The following LRP1B variants were observed in gnomAD, a reference collection of about 807,000 sequenced individuals.
LRP1B encodes the protein low-density lipoprotein receptor-related protein 1B.
In LRP1B, 217 loss-of-function variants were observed where a neutral mutation model predicts 556.6. That is an observed-to-expected ratio of 0.39 (90% CI 0.35 to 0.44). The LOEUF (loss-of-function observed/expected upper bound fraction) is 0.44. Ranked by LOEUF, LRP1B falls within the 20% of genes least tolerant of loss-of-function variation. LRP1B has a pLI of 1.00. For synonymous variants in LRP1B, 2,047 were observed against 1,865.8 expected, an observed-to-expected ratio of 1.10 and a Z score of -2.50; for missense variants, 5,053 against 5,620.8, an observed-to-expected ratio of 0.90 and a Z score of 3.23.
At chr2:141,064,511 C>G (rs1699428001) in intron 7 of LRP1B, among the ~76,000 whole-genome samples, 1 of 151,760 alleles carries the variant, frequency 6.6e-6, no homozygotes, top group Admixed American at 6.6e-5. Context: ...TGAAAAAAAG[C>G]ACATGTAAAT....
intron 43 of LRP1B, among the ~76,000 whole-genome samples, chr2:140,570,188 C>T (rs1191492059): frequency 6.7e-6 from 1 of 150,326 alleles, no homozygotes; most frequent in African/African-American, 2.4e-5. Context: ...TAGATTGGAG[C>T]AGAAATAAAT....
At chr2:141,231,807 A>G (rs1455068824) in intron 5 of LRP1B, among the ~76,000 whole-genome samples, 1 of 152,192 alleles carries the variant, frequency 6.6e-6, no homozygotes, top group African/African-American at 2.4e-5. Flanking sequence ...CTTTAACAAG[A>G]CATTAAATAT....
chr2:141,972,053 A>G (rs1701756047), intron 1 of LRP1B, among the ~76,000 whole-genome samples: 1 of 151,526 alleles, frequency 6.6e-6, no homozygotes, highest in African/African-American at 2.4e-5. Context: ...TATTTTCCTC[A>G]TGTTTTGAAT....
chr2:142,102,198 G>A (rs553946381), intron 1 of LRP1B, among the ~76,000 whole-genome samples: 6 of 152,024 alleles, frequency 3.9e-5, no homozygotes, highest in Non-Finnish European at 7.4e-5. Flanking sequence ...GTCTAAAGCA[G>A]CGTCTCAAAA....
intron 1 of LRP1B, among the ~76,000 whole-genome samples, chr2:142,108,545 T>A (rs1349220): frequency 0.67 from 101,724 of 152,072 alleles, 34,218 homozygotes; most frequent in East Asian, 0.71. Flanking sequence ...AGTCTTTGCC[T>A]TTTTAATAAT....
intron 1 of LRP1B, among the ~76,000 whole-genome samples, chr2:141,816,488 C>T (rs998537268): frequency 6.6e-6 from 1 of 152,168 alleles, no homozygotes; most frequent in Admixed American, 6.5e-5. Flanking sequence ...TTTGGACTTA[C>T]ACCAGTGATT....
chr2:141,909,022 T>C (rs1252025068), intron 1 of LRP1B, among the ~76,000 whole-genome samples: 1 of 152,082 alleles, frequency 6.6e-6, no homozygotes, highest in African/African-American at 2.4e-5. Context: ...TTACGTACTG[T>C]GCATTAGTAT....
At position 140,702,152 on chromosome 2, in the gene LRP1B, G is replaced by A. The variant is rs1336888174; in HGVS notation, c.6291C>T (p.Tyr2097=). 6.8e-6 allele frequency: 11 copies of A among 1,613,004 alleles called. No homozygotes were observed. Among genetic ancestry groups the A allele is most frequent in the African/African-American group, 1.3e-5 (1 of 74,804 alleles). ...AAAAAATAAATTACCTGTCAGACCAGTAGATGTAAGCCCCAAAGACTGCAA... is the reference window on the plus strand; with the variant it reads ...AAAAAATAAATTACCTGTCAGACCAATAGATGTAAGCCCCAAAGACTGCAA... ...FSVAVFGAYI[Y]WSDRAHANGS... Residue 2097 remains tyrosine (Y), a synonymous_variant, in exon 39 of 91, where the codon TAC becomes TAT. Transcript: ENST00000389484.
At chr2:140,368,044 C>A (rs941174178) in intron 71 of LRP1B, among the ~76,000 whole-genome samples, 1 of 151,694 alleles carries the variant, frequency 6.6e-6, no homozygotes, top group Non-Finnish European at 1.5e-5. Flanking sequence ...CTACTAAAGA[C>A]TTGATGTTGT....
At chr2:141,040,586 G>C (rs914581994) in intron 11 of LRP1B, among the ~76,000 whole-genome samples, 10 of 151,998 alleles carry the variant, frequency 6.6e-5, no homozygotes, top group African/African-American at 2.2e-4. Flanking sequence ...TATTTCTGGA[G>C]TTCTGAAGTG....
At chr2:141,716,783 A>G (rs1692610544) in intron 2 of LRP1B, among the ~76,000 whole-genome samples, 2 of 152,186 alleles carry the variant, frequency 1.3e-5, no homozygotes, top group African/African-American at 4.8e-5. Context: ...CTAGACTAAT[A>G]TGTCTAGCTC....
chr2:142,064,218 T>C (rs1431983496), intron 1 of LRP1B, among the ~76,000 whole-genome samples: 1 of 151,488 alleles, frequency 6.6e-6, no homozygotes, highest in South Asian at 2.1e-4. Flanking sequence ...GGCCCACCTA[T>C]CTGTACTCTA....
chr2:141,113,493 T>G (rs1700805377), intron 7 of LRP1B, among the ~76,000 whole-genome samples: 1 of 152,184 alleles, frequency 6.6e-6, no homozygotes, highest in African/African-American at 2.4e-5. Flanking sequence ...TTAAAATCTT[T>G]TCTTAAAGTT....
intron 3 of LRP1B, among the ~76,000 whole-genome samples, chr2:141,400,362 G>A (rs1487047624): frequency 1.3e-5 from 2 of 152,166 alleles, no homozygotes; most frequent in African/African-American, 4.8e-5. Context: ...AGAAAGCCTT[G>A]GAGTTAGCCT....
At chr2:142,031,424 G>A in intron 1 of LRP1B, among the ~76,000 whole-genome samples, 1 of 122,902 alleles carries the variant, frequency 8.1e-6, no homozygotes, top group East Asian at 3.4e-4. Context: ...CCATGCTGGT[G>A]CGCTGCACCC....
intron 68 of LRP1B, 123 bp from the exon 69 acceptor site, chr2:140,373,260 A>G (rs984393900): frequency 7.5e-6 from 6 of 794,986 alleles, no homozygotes; most frequent in Non-Finnish European, 1.2e-5. Flanking sequence ...TTGTTTCACA[A>G]CTTCTCTGTC....
chr2:141,337,659 T>C (rs1212977052), intron 3 of LRP1B, among the ~76,000 whole-genome samples: 2 of 152,226 alleles, frequency 1.3e-5, no homozygotes, highest in Non-Finnish European at 2.9e-5. Flanking sequence ...TTCTTTCCTC[T>C]GTCAACTTCA....
chr2:141,510,349 C>T (rs1412770342), intron 2 of LRP1B, among the ~76,000 whole-genome samples: 3 of 151,898 alleles, frequency 2.0e-5, no homozygotes, highest in Non-Finnish European at 4.4e-5. Context: ...CTTTTTTACA[C>T]AAAAATGCCG....
intron 1 of LRP1B, among the ~76,000 whole-genome samples, chr2:141,857,895 C>T (rs1384411350): frequency 6.6e-6 from 1 of 152,084 alleles, no homozygotes; most frequent in African/African-American, 2.4e-5. Context: ...AGCCCTTTTC[C>T]TGGCCCTAGG....
Sources: gnomAD v4.1 joint callset for allele counts (sites outside exome capture counted in the v4.1 genomes callset) on GRCh38, gnomAD v4.1.1 for gene constraint, MANE v1.5 for transcripts, NCBI Gene and HGNC (gene_info 2026-07-23, HGNC 2026-07-21) for gene names.